NALF1: variants seen among roughly 807,000 people sequenced by gnomAD.
The protein encoded by NALF1 is NALCN channel auxiliary factor 1.
NALF1 carries 3 observed loss-of-function variants against 48.4 expected under a neutral mutation model. The ratio of observed to expected loss-of-function variants is 0.06; its 90% confidence interval spans 0.03 to 0.16. The LOEUF (loss-of-function observed/expected upper bound fraction) is 0.16, where lower values mean the gene tolerates loss of function less well. Among genes scored for constraint, NALF1 ranks in the 10% least tolerant of loss-of-function variants. NALF1 has a pLI of 1.00. For missense variants in NALF1, 526 were observed against 571.5 expected (o/e 0.92, Z 0.81); for synonymous variants, 262 against 245.7 (o/e 1.07, Z -0.62).
chr13:107,380,466 CAG>C (rs1439478212), intron 1 of NALF1, among the ~76,000 whole-genome samples: 1 of 152,130 alleles, frequency 6.6e-6, no homozygotes, highest in Non-Finnish European at 1.5e-5. Context: ...TTGTGTAGCA[CAG>C]AGTCACCCGA....
intron 1 of NALF1, among the ~76,000 whole-genome samples, chr13:107,220,529 T>A (rs918495225): frequency 4.6e-5 from 7 of 152,218 alleles, no homozygotes; most frequent in Non-Finnish European, 1.0e-4. Context: ...GCTGCCTAGG[T>A]ACCATCCAAT....
At chr13:107,280,965 ATTAAT>A (rs1328507644) in intron 1 of NALF1, among the ~76,000 whole-genome samples, 1 of 152,206 alleles carries the variant, frequency 6.6e-6, no homozygotes, top group African/African-American at 2.4e-5. Flanking sequence ...TCTTTGTTTA[ATTAAT>A]TTAATATTTT....
chr13:107,270,717 G>C (rs1881144615), intron 1 of NALF1, among the ~76,000 whole-genome samples: 1 of 151,788 alleles, frequency 6.6e-6, no homozygotes, highest in African/African-American at 2.4e-5. Flanking sequence ...ACAATGTGCA[G>C]GTTTGTTACA....
chr13:107,301,729 T>C (rs1443886643), intron 1 of NALF1, among the ~76,000 whole-genome samples: 1 of 152,218 alleles, frequency 6.6e-6, no homozygotes, highest in African/African-American at 2.4e-5. Flanking sequence ...TTTTGGCCAC[T>C]ACTATAATGG....
intron 1 of NALF1, among the ~76,000 whole-genome samples, chr13:107,422,501 T>C (rs946191134): frequency 6.6e-6 from 1 of 152,072 alleles, no homozygotes; most frequent in African/African-American, 2.4e-5. Context: ...ATCATCATCA[T>C]CACATTCAGG....
intron 1 of NALF1, among the ~76,000 whole-genome samples, chr13:107,552,116 A>G (rs930557211): frequency 1.8e-4 from 27 of 152,098 alleles, no homozygotes; most frequent in Admixed American, 1.6e-3. Flanking sequence ...AGATAAATAG[A>G]CCAATATCTT....
At chr13:107,285,896 T>A (rs1167933297) in intron 1 of NALF1, among the ~76,000 whole-genome samples, 1 of 151,026 alleles carries the variant, frequency 6.6e-6, no homozygotes, top group African/African-American at 2.4e-5. Context: ...GTGCACAGAG[T>A]GTAAGGGATG....
At chr13:107,612,423 C>A (rs2391465) in intron 1 of NALF1, among the ~76,000 whole-genome samples, 1 of 151,980 alleles carries the variant, frequency 6.6e-6, no homozygotes, top group African/African-American at 2.4e-5. Flanking sequence ...TCATTTTATA[C>A]GTCGGCTTGC....
intron 1 of NALF1, among the ~76,000 whole-genome samples, chr13:107,462,187 G>T (rs995745684): frequency 6.6e-6 from 1 of 152,082 alleles, no homozygotes; most frequent in African/African-American, 2.4e-5. Flanking sequence ...GTGTCCTACA[G>T]TAACTATAAA....
intron 1 of NALF1, among the ~76,000 whole-genome samples, chr13:107,558,687 G>T (rs575986091): frequency 5.3e-5 from 8 of 152,202 alleles, no homozygotes; most frequent in African/African-American, 1.9e-4. Context: ...CCAGATCACG[G>T]GTAAAACATG....
intron 1 of NALF1, among the ~76,000 whole-genome samples, chr13:107,502,145 C>T (rs2139079130): frequency 6.6e-6 from 1 of 152,220 alleles, no homozygotes; most frequent in South Asian, 2.1e-4. Context: ...CTTAATTAAT[C>T]CTTTGGAAAT....
chr13:107,768,962 G>A (rs906511804), intron 1 of NALF1, among the ~76,000 whole-genome samples: 6 of 152,068 alleles, frequency 3.9e-5, no homozygotes, highest in Non-Finnish European at 5.9e-5. Context: ...CTGGCCATCA[G>A]AGAAATGCAA....
chr13:107,569,959 G>T (rs1038589371), intron 1 of NALF1, among the ~76,000 whole-genome samples: 6 of 151,902 alleles, frequency 3.9e-5, no homozygotes, highest in African/African-American at 1.4e-4. Flanking sequence ...AAACTGCAAA[G>T]ACATTGTATT....
chr13:107,262,769 G>GCTCTCTCTCT lies in NALF1; in HGVS notation c.916-52024_916-52015dup, dbSNP rs1555329321. ...ATATTAAGTTGCATAACCCACAGGC[G>GCTCTCTCTCT]CTCTCTCTCTCTCTCTCTCTCTCTC... On this transcript the variant is annotated intron_variant, in intron 1 of 2. Coordinates refer to ENST00000375915, the MANE Select transcript of NALF1 (RefSeq NM_001080396.3). 3.8e-3 allele frequency among the ~76,000 whole-genome samples: 549 copies of GCTCTCTCTCT among 144,106 alleles called. 4 individuals are homozygous for GCTCTCTCTCT. The highest frequency in any genetic ancestry group is 0.014 in the East Asian group (65 of 4,748). 94.5% of individuals were successfully genotyped at this position (144,106 alleles called of 152,430 possible).
chr13:107,324,900 TATG>T (rs1249245180), intron 1 of NALF1, among the ~76,000 whole-genome samples: 3 of 152,228 alleles, frequency 2.0e-5, no homozygotes, highest in African/African-American at 7.2e-5. Context: ...ATTTCTACAC[TATG>T]ATATTAACAA....
intron 1 of NALF1, among the ~76,000 whole-genome samples, chr13:107,478,628 C>T (rs1171736660): frequency 6.6e-6 from 1 of 150,414 alleles, no homozygotes; most frequent in African/African-American, 2.4e-5. Context: ...CTCAATGTCA[C>T]CTAAAAGAGT....
intron 1 of NALF1, among the ~76,000 whole-genome samples, chr13:107,411,406 T>C (rs777175948): frequency 6.6e-6 from 1 of 151,544 alleles, no homozygotes; most frequent in Non-Finnish European, 1.5e-5. Flanking sequence ...TGACCTCCTA[T>C]GCTCAAGTGA....
At chr13:107,366,964 T>C (rs2138960532) in intron 1 of NALF1, among the ~76,000 whole-genome samples, 1 of 152,276 alleles carries the variant, frequency 6.6e-6, no homozygotes, top group Middle Eastern at 3.4e-3. Flanking sequence ...ATGTGGGAAA[T>C]GAAGCCTTCA....
At chr13:107,331,435 G>C (rs897936978) in intron 1 of NALF1, among the ~76,000 whole-genome samples, 3 of 152,142 alleles carry the variant, frequency 2.0e-5, no homozygotes, top group Admixed American at 6.6e-5. Context: ...AACCATAGAG[G>C]ACACCCAGTC....
Sources: allele counts gnomAD v4.1 joint callset (sites outside exome capture counted in the v4.1 genomes callset), GRCh38; gene constraint gnomAD v4.1.1; transcripts MANE v1.5; gene names NCBI Gene and HGNC (gene_info 2026-07-23, HGNC 2026-07-21).